The following SYNE1 variants were observed in gnomAD, a reference collection of about 807,000 sequenced individuals.
SYNE1 encodes nesprin-1.
In SYNE1, 616 loss-of-function variants were observed where a neutral mutation model predicts 1,111.0. That is an observed-to-expected ratio of 0.55 (90% CI 0.52 to 0.59). SYNE1 has a LOEUF of 0.59. Ranked by LOEUF, SYNE1 falls within the 20% of genes least tolerant of loss-of-function variation. The pLI is 0.00. For synonymous variants in SYNE1, 3,855 were observed against 3,825.8 expected, an observed-to-expected ratio of 1.01 and a Z score of -0.28; for missense variants, 10,006 against 10,417.0, an observed-to-expected ratio of 0.96 and a Z score of 1.72.
Position 152,148,999 on chromosome 6 carries a change from A to G in SYNE1, c.24642+478T>C, listed in dbSNP as rs371932935. Among the ~76,000 whole-genome samples the G allele has an allele frequency of 7.9e-5, 12 of 152,290 alleles. No homozygotes were observed. The highest frequency in any genetic ancestry group is 1.9e-4 in the East Asian group (1 of 5,176). ...ATGTGATTATGGTAGCAATTAGGAA[A>G]ATGGAAGAATGAAAATTCACCTAAA... On this transcript the variant is annotated intron_variant, in intron 136 of 145. Coordinates refer to ENST00000367255, the MANE Select transcript of SYNE1 (RefSeq NM_182961.4). This position sits in a 1 kb window ranked among gnomAD's most constrained non-coding sequence, Gnocchi z 4.1.
chr6:152,520,327 A>G (rs2154348158), intron 6 of SYNE1, 132 bp downstream of exon 6: 1 of 910,900 alleles, frequency 1.1e-6, no homozygotes, highest in Admixed American at 2.0e-5. Flanking sequence ...TTATAATACA[A>G]TGATATTGTA....
At chr6:152,476,066 G>T in intron 14 of SYNE1, among the ~76,000 whole-genome samples, 2 of 152,098 alleles carry the variant, frequency 1.3e-5, no homozygotes, top group South Asian at 4.2e-4. Context: ...ATCAGTCCTT[G>T]GTCCCTTTCT....
chr6:152,578,364 G>A (rs895772811), intron 3 of SYNE1, among the ~76,000 whole-genome samples: 1 of 152,140 alleles, frequency 6.6e-6, no homozygotes, highest in Non-Finnish European at 1.5e-5. Context: ...GGAAGCTGAG[G>A]TGGGCAGGTC....
Position 152,136,813 on chromosome 6 carries a change from G to C in SYNE1, c.25464C>G (p.Leu8488=), listed in dbSNP as rs2152753360. 1.2e-6 allele frequency: 2 copies of C among 1,614,096 alleles called. No individual in the cohort carries two copies. The highest frequency in any genetic ancestry group is 1.7e-6 in the Non-Finnish European group (2 of 1,180,028). Residue 8488 remains leucine (L), a synonymous_variant, in exon 141 of 146, where the codon CTC becomes CTG. Transcript: ENST00000367255. ...IELQIKKLKE[L]QKAVDHRKAI... is the part of the protein sequence containing the mutation. ...CTTTGCGGTGGTCCACAGCTTTCTG[G>C]AGCTCCTGAAAAGAACAAAAAAGAC...
intron 34 of SYNE1, chr6:152,433,392 G>GGTAA (rs1563984596): frequency 4.5e-6 from 1 of 223,084 alleles, no homozygotes; most frequent in Non-Finnish European, 9.0e-6. Context: ...GATTGGTGTG[G>GGTAA]GTAAGTACCA....
intron 56 of SYNE1, 101 bp from the exon 57 acceptor site, chr6:152,377,013 G>A: frequency 7.0e-7 from 1 of 1,428,044 alleles, no homozygotes; most frequent in Non-Finnish European, 9.7e-7. Flanking sequence ...TTATTAGTGA[G>A]AGAAGAACCA....
chr6:152,176,014 A>AT (rs3215782), intron 130 of SYNE1, among the ~76,000 whole-genome samples: 14,482 of 142,580 alleles, frequency 0.1, 752 homozygotes, highest in Middle Eastern at 0.18. Context: ...AGATTTAGTA[A>AT]TTTTTTTTTT....
At chr6:152,417,360 T>A in intron 40 of SYNE1, among the ~76,000 whole-genome samples, 1 of 151,912 alleles carries the variant, frequency 6.6e-6, no homozygotes, top group Non-Finnish European at 1.5e-5. Flanking sequence ...TATCCAGGCG[T>A]GGTGGTGGGC....
intron 41 of SYNE1, 73 bp downstream of exon 41, chr6:152,416,314 T>C: frequency 6.3e-7 from 1 of 1,598,432 alleles, no homozygotes; most frequent in South Asian, 1.1e-5. Flanking sequence ...ACTAATAAAG[T>C]TTTGCATAAA....
chr6:152,430,465 G>A lies in SYNE1; in HGVS notation c.4689+17C>T. On this transcript the variant is annotated intron_variant, in intron 35 of 145. Transcript: ENST00000367255. ...TGTGAAATATGTAAACTTAAGTATA[G>A]GTGGATCAATTCTTACCTTTCTAAG... 6.3e-7 allele frequency: 1 copy of A among 1,598,970 alleles called. No homozygotes were observed. Among genetic ancestry groups the A allele is most frequent in the Non-Finnish European group, 8.6e-7 (1 of 1,166,386 alleles).
intron 105 of SYNE1, among the ~76,000 whole-genome samples, chr6:152,246,816 T>C (rs905296860): frequency 6.6e-6 from 1 of 152,182 alleles, no homozygotes; most frequent in Non-Finnish European, 1.5e-5. Flanking sequence ...TGTTTTTAGA[T>C]TCCTTAAGAC....
At position 152,308,338 on chromosome 6, in the gene SYNE1, CAA is replaced by C. The variant is rs2095442317; in HGVS notation, c.17346+149_17346+150del. ...ACTGAATCAACAAAAACGGCACTCA[CAA>C]TGCTTAGATAGCCAAAGAGGCCTCT... is the stretch of plus-strand genomic sequence containing the variant. On this transcript the variant is annotated intron_variant, in intron 91 of 145. Transcript: ENST00000367255. The C allele has an allele frequency of 5.9e-5, 64 of 1,086,984 alleles. 1 individual carries two copies. In the South Asian group the frequency reaches 9.5e-4, roughly 16 times the overall value. 67.3% of individuals were successfully genotyped at this position (1,086,984 alleles called of 1,614,324 possible). A position where few individuals can be genotyped will look rare whatever the true frequency, so the allele number is the denominator to read the frequency against.
chr6:152,357,634 A>C (rs957050914), intron 66 of SYNE1, among the ~76,000 whole-genome samples: 2 of 152,086 alleles, frequency 1.3e-5, no homozygotes, highest in African/African-American at 4.8e-5. Flanking sequence ...ACATTAGTCT[A>C]CTAATGTCCT....
chr6:152,214,387 A>G (rs2078166401), intron 122 of SYNE1, among the ~76,000 whole-genome samples: 1 of 152,180 alleles, frequency 6.6e-6, no homozygotes, highest in Admixed American at 6.5e-5. Context: ...TTTTAGTTCA[A>G]ATTTTGTCAG....
chr6:152,501,978 C>G (rs1021367874), intron 10 of SYNE1, among the ~76,000 whole-genome samples: 2 of 152,058 alleles, frequency 1.3e-5, no homozygotes, highest in African/African-American at 4.8e-5. Context: ...ATATATAATA[C>G]AAATGTTGGG....
At chr6:152,626,741 G>C (rs117233459) in intron 3 of SYNE1, among the ~76,000 whole-genome samples, 11 of 152,160 alleles carry the variant, frequency 7.2e-5, no homozygotes, top group South Asian at 2.1e-4. Context: ...AAACACGAGT[G>C]GGGGGTCACT....
chr6:152,537,025 C>A (rs1042427823), intron 4 of SYNE1, among the ~76,000 whole-genome samples: 1 of 151,964 alleles, frequency 6.6e-6, no homozygotes, highest in Admixed American at 6.6e-5. Flanking sequence ...TTTGAAAAAC[C>A]ATCACTAAAA....
chr6:152,507,672 T>G (rs1437187710), intron 8 of SYNE1, among the ~76,000 whole-genome samples: 1 of 152,184 alleles, frequency 6.6e-6, no homozygotes, highest in East Asian at 1.9e-4. Flanking sequence ...TACTTCAAGC[T>G]GCTTTTAAAT....
rs1304303925 is a variant in SYNE1 at position 152,377,662 on chromosome 6, T to C, written c.9010-750A>G. 5.5e-4 allele frequency among the ~76,000 whole-genome samples: 69 copies of C among 125,194 alleles called. 2 individuals carry two copies. Among genetic ancestry groups the C allele is most frequent in the African/African-American group, 1.9e-3 (65 of 33,412 alleles). 82.1% of individuals were successfully genotyped at this position (125,194 alleles called of 152,430 possible). ...AAAAATATATATATATATATATATA[T>C]ATATATATATCTCCAAAATTGAATC... On this transcript the variant is annotated intron_variant, in intron 56 of 145. Transcript: ENST00000367255.
Sources: allele counts gnomAD v4.1 joint callset (sites outside exome capture counted in the v4.1 genomes callset), GRCh38; gene constraint gnomAD v4.1.1; non-coding constraint Gnocchi (gnomAD v3.1); transcripts MANE v1.5; gene names NCBI Gene and HGNC (gene_info 2026-07-23, HGNC 2026-07-21).